The following MAP3K2 variants were observed in gnomAD, a reference collection of about 807,000 sequenced individuals.
MAP3K2 encodes mitogen-activated protein kinase kinase kinase 2, also known as MAP/ERK kinase kinase 2.
MAP3K2 carries 24 observed loss-of-function variants against 80.3 expected under a neutral mutation model. The observed-to-expected ratio is 0.30, with a 90% CI of 0.22 to 0.42. The LOEUF is 0.42. Ranked by LOEUF, MAP3K2 falls within the 10% of genes least tolerant of loss-of-function variation. The pLI, the probability that MAP3K2 is intolerant of heterozygous loss-of-function variation, is 1.00. For missense variants in MAP3K2, 608 were observed against 750.1 expected, an observed-to-expected ratio of 0.81 and a Z score of 2.21; for synonymous variants, 244 against 253.7, an observed-to-expected ratio of 0.96 and a Z score of 0.36.
At chr2:127,331,657 T>A (rs1486516106) in intron 5 of MAP3K2, among the ~76,000 whole-genome samples, 1 of 152,260 alleles carries the variant, frequency 6.6e-6, no homozygotes, top group Non-Finnish European at 1.5e-5. Context: ...TCATTCAGGC[T>A]GGAGTACAGT....
chr2:127,323,156 C>T (rs1270752828), intron 11 of MAP3K2, among the ~76,000 whole-genome samples: 1 of 150,604 alleles, frequency 6.6e-6, no homozygotes, highest in Non-Finnish European at 1.5e-5. Context: ...AATCCTAGCA[C>T]TTTGGGAGGC....
chr2:127,337,408 G>C (rs986421065), intron 4 of MAP3K2, among the ~76,000 whole-genome samples: 1 of 152,082 alleles, frequency 6.6e-6, no homozygotes, highest in Non-Finnish European at 1.5e-5. Context: ...ATAGTATCTG[G>C]AGGGATGAAA....
rs186654215 is a variant in MAP3K2, at chr2:127,374,887, C to G, written c.-66+12565G>C. Among the ~76,000 whole-genome samples the G allele has an allele frequency of 1.0e-3, 157 of 152,188 alleles. 1 individual carries two copies. Among genetic ancestry groups the G allele is most frequent in the African/African-American group, 3.6e-3 (150 of 41,514 alleles). On this transcript the variant is annotated intron_variant, in intron 1 of 16. Transcript: ENST00000682094. ...TAACTCCCAAGGACAGGCCATAGAA[C>G]GTACCCAATCCAGCCTTAAAAATAT...
chr2:127,380,046 G>C (rs779560072), intron 1 of MAP3K2, among the ~76,000 whole-genome samples: 14 of 152,214 alleles, frequency 9.2e-5, no homozygotes, highest in Admixed American at 2.6e-4. Context: ...AGAAACAAAG[G>C]AAACTCAACC....
At position 127,302,867 on chromosome 2, in the gene MAP3K2, T is replaced by A. The variant is rs1163090208; in HGVS notation, c.*4712A>T. On this transcript the variant is annotated 3_prime_UTR_variant, in exon 17 of 17. Coordinates refer to ENST00000682094, the MANE Select transcript of MAP3K2 (RefSeq NM_001371910.2). ...TCACAGACAAATCCTAATGTTTCTC[T>A]CCTAACATTTATTTATTTATTTATT... The A allele has an allele frequency of 6.6e-6, 1 of 151,992 alleles. No individual in the cohort carries two copies. Among genetic ancestry groups the A allele is most frequent in the Non-Finnish European group, 1.5e-5 (1 of 68,016 alleles). The allele number at this position is 151,992 out of a possible 1,614,324, so 9.4% of individuals were successfully genotyped here.
chr2:127,308,908 A>G, intron 15 of MAP3K2, 146 bp from the exon 16 acceptor site: 2 of 780,682 alleles, frequency 2.6e-6, no homozygotes, highest in Non-Finnish European at 2.0e-6. Flanking sequence ...AGTAGCTGGC[A>G]TAATGCTAGT....
rs1158689279 is a variant in MAP3K2 at position 127,302,123 on chromosome 2, GT to G, written c.*5455del. 6.6e-6 allele frequency: 1 copy of G among 152,134 alleles called. No homozygotes were observed. Among genetic ancestry groups the G allele is most frequent in the Non-Finnish European group, 1.5e-5 (1 of 68,018 alleles). The allele number at this position is 152,134 out of a possible 1,614,324, so 9.4% of individuals were successfully genotyped here. ...TTTGGCAGAATTTCAGTTCCAAAAAGTTCAGGAAGAACTATGTAAAATCAAT... is the reference window on the plus strand; with the variant it reads ...TTTGGCAGAATTTCAGTTCCAAAAAGTCAGGAAGAACTATGTAAAATCAAT... On this transcript the variant is annotated 3_prime_UTR_variant, in exon 17 of 17. Transcript: ENST00000682094.
chr2:127,314,133 C>T (rs968805532), intron 15 of MAP3K2, among the ~76,000 whole-genome samples: 1 of 152,192 alleles, frequency 6.6e-6, no homozygotes. Context: ...TATGCATTTA[C>T]CTACATCCTT....
chr2:127,346,978 G>A (rs555326995), intron 1 of MAP3K2, among the ~76,000 whole-genome samples: 17 of 152,080 alleles, frequency 1.1e-4, no homozygotes, highest in Admixed American at 6.5e-4. Flanking sequence ...GCGACAGAGC[G>A]AGACTCTGTC....
intron 1 of MAP3K2, among the ~76,000 whole-genome samples, chr2:127,372,464 G>C (rs1687081996): frequency 1.3e-5 from 2 of 152,092 alleles, no homozygotes; most frequent in Admixed American, 1.3e-4. Context: ...AAACATTAAT[G>C]ATCAAAACTA....
chr2:127,366,729 T>C (rs1481656573), intron 1 of MAP3K2, among the ~76,000 whole-genome samples: 1 of 152,158 alleles, frequency 6.6e-6, no homozygotes, highest in East Asian at 1.9e-4. Context: ...CCTTTTTGGC[T>C]AACATATTTC....
At chr2:127,388,024 A>C (rs1032732070), upstream of MAP3K2, 35 of 981,352 alleles carry the variant, frequency 3.6e-5, no homozygotes, top group African/African-American at 5.3e-5. Context: ...GTGCGCGCGC[A>C]CCCCTCCGCC....
intron 1 of MAP3K2, among the ~76,000 whole-genome samples, chr2:127,345,800 T>C (rs928064037): frequency 3.3e-5 from 5 of 152,064 alleles, no homozygotes; most frequent in Non-Finnish European, 2.9e-5. Context: ...TAAGGAAAAT[T>C]AGAAAATACT....
chr2:127,335,747 C>T, intron 5 of MAP3K2, 123 bp downstream of exon 5: 1 of 521,040 alleles, frequency 1.9e-6, no homozygotes, highest in Non-Finnish European at 3.4e-6. Context: ...CTTGTTTTAT[C>T]CTTCTGACAT....
At chr2:127,388,168 G>T, upstream of MAP3K2, 5 of 984,986 alleles carry the variant, frequency 5.1e-6, no homozygotes, top group Non-Finnish European at 6.0e-6. Flanking sequence ...CCCAGTCCTG[G>T]CTCCGCCCCG....
chr2:127,343,623 G>A lies in MAP3K2; in HGVS notation c.-65-429C>T, dbSNP rs184605795. Among the ~76,000 whole-genome samples the A allele has an allele frequency of 6.7e-4, 102 of 151,978 alleles. 1 individual carries two copies. The highest frequency in any genetic ancestry group is 6.0e-3 in the Admixed American group (92 of 15,276). The stretch of plus-strand genomic sequence containing the variant: ...TGGTTTAAAAAAAAAACTGCATAAC[G>A]CAATAATTATAACTGTGTTGCTGGG... On this transcript the variant is annotated intron_variant, in intron 1 of 16. Transcript: ENST00000682094.
Position 127,321,379 on chromosome 2 carries a change from C to CT in MAP3K2, c.1045+666_1045+667insA, listed in dbSNP as rs1686016894. Reference sequence around the variant, plus strand: ...AGATAGCTGTCTAAAGCAAAAATAACAGCAATATAGCATGGGGTCAATATG... The same window carrying CT: ...AGATAGCTGTCTAAAGCAAAAATAACTAGCAATATAGCATGGGGTCAATATG... On this transcript the variant is annotated intron_variant, in intron 12 of 16. Coordinates refer to ENST00000682094, the MANE Select transcript of MAP3K2 (RefSeq NM_001371910.2). The surrounding 1 kb of genome is among the most constrained non-coding windows in gnomAD (Gnocchi z 4.4). 6.6e-6 allele frequency among the ~76,000 whole-genome samples: 1 copy of CT among 152,108 alleles called. No individual in the cohort carries two copies. Among genetic ancestry groups the CT allele is most frequent in the Non-Finnish European group, 1.5e-5 (1 of 68,016 alleles).
At chr2:127,330,313 A>G (rs930699538) in intron 6 of MAP3K2, 79 bp downstream of exon 6, 2 of 666,926 alleles carry the variant, frequency 3.0e-6, no homozygotes, top group East Asian at 5.6e-5. Context: ...TGATTATAGA[A>G]TATAATTATG....
chr2:127,337,067 G>C (rs753138223), intron 4 of MAP3K2, among the ~76,000 whole-genome samples: 1 of 152,056 alleles, frequency 6.6e-6, no homozygotes, highest in Non-Finnish European at 1.5e-5. Context: ...GCTTGAACCC[G>C]GGAGGTGGAG....
Sources: allele counts gnomAD v4.1 joint callset (sites outside exome capture counted in the v4.1 genomes callset), GRCh38; gene constraint gnomAD v4.1.1; non-coding constraint Gnocchi (gnomAD v3.1); transcripts MANE v1.5; gene names NCBI Gene and HGNC (gene_info 2026-07-23, HGNC 2026-07-21).